NOL4: variants seen among roughly 807,000 people sequenced by gnomAD.
The protein encoded by NOL4 is nucleolar protein 4, also known as cancer/testis antigen 125.
NOL4 carries 17 observed loss-of-function variants against 75.9 expected under a neutral mutation model. That is an observed-to-expected ratio of 0.22 (90% confidence interval 0.15 to 0.34). The LOEUF is 0.34. Among genes scored for constraint, NOL4 ranks in the 10% least tolerant of loss-of-function variants. NOL4 has a pLI of 1.00. For synonymous variants in NOL4, 292 were observed against 289.9 expected (o/e 1.01, Z -0.07); for missense variants, 614 against 793.5 (o/e 0.77, Z 2.72).
chr18:34,164,425 G>A (rs1194771510), intron 1 of NOL4, among the ~76,000 whole-genome samples: 1 of 152,108 alleles, frequency 6.6e-6, no homozygotes, highest in Non-Finnish European at 1.5e-5. Flanking sequence ...ATCAAAAAGT[G>A]GGTGAAGGAC....
intron 2 of NOL4, among the ~76,000 whole-genome samples, chr18:34,108,736 C>A (rs1468108355): frequency 6.6e-6 from 1 of 152,066 alleles, no homozygotes; most frequent in African/African-American, 2.4e-5. Flanking sequence ...AACAGCAACA[C>A]GTTAACAGCA....
chr18:34,108,039 C>T (rs2079395279), intron 2 of NOL4, among the ~76,000 whole-genome samples: 1 of 152,130 alleles, frequency 6.6e-6, no homozygotes, highest in South Asian at 2.1e-4. Context: ...GAAGTGAGCA[C>T]TCAACTTCAG....
chr18:34,023,902 C>T (rs1211225468), intron 5 of NOL4, among the ~76,000 whole-genome samples: 1 of 151,864 alleles, frequency 6.6e-6, no homozygotes, highest in Non-Finnish European at 1.5e-5. Flanking sequence ...CCCATTCCCT[C>T]CATGAATTAG....
At chr18:34,098,739 G>A (rs1040299213) in intron 4 of NOL4, among the ~76,000 whole-genome samples, 4 of 152,106 alleles carry the variant, frequency 2.6e-5, no homozygotes, top group African/African-American at 9.7e-5. Context: ...CTAATTTTAA[G>A]TGGATGTGTT....
chr18:33,987,492 G>C (rs1448099622), intron 6 of NOL4, among the ~76,000 whole-genome samples: 1 of 152,084 alleles, frequency 6.6e-6, no homozygotes, highest in Non-Finnish European at 1.5e-5. Context: ...ATGAGGCAAA[G>C]CCTGTTTTTG....
intron 5 of NOL4, among the ~76,000 whole-genome samples, chr18:34,088,607 C>T (rs2078356455): frequency 6.6e-6 from 1 of 152,044 alleles, no homozygotes; most frequent in South Asian, 2.1e-4. Flanking sequence ...CCCTTATATT[C>T]CACAACACCT....
intron 1 of NOL4, among the ~76,000 whole-genome samples, chr18:34,163,760 CA>C (rs1287246345): frequency 1.3e-5 from 2 of 151,762 alleles, no homozygotes; most frequent in African/African-American, 4.8e-5. Flanking sequence ...CATATGGAAC[CA>C]AAAAAGAGCC....
chr18:34,029,763 A>G (rs1424834238), intron 5 of NOL4, among the ~76,000 whole-genome samples: 1 of 152,206 alleles, frequency 6.6e-6, no homozygotes, highest in Non-Finnish European at 1.5e-5. Context: ...AAATGTTTAG[A>G]CGCTTTGTAG....
At chr18:33,946,426 T>C (rs1318297511) in intron 8 of NOL4, among the ~76,000 whole-genome samples, 2 of 151,726 alleles carry the variant, frequency 1.3e-5, no homozygotes, top group African/African-American at 2.4e-5. Context: ...TTAGATAACC[T>C]ACATTCAAGT....
chr18:33,870,787 A>T (rs114003030), intron 10 of NOL4, among the ~76,000 whole-genome samples: 2,174 of 152,148 alleles, frequency 0.014, 52 homozygotes, highest in African/African-American at 0.049. Flanking sequence ...CAACAAAAAA[A>T]ATCCTAAATT....
rs529338483 is a variant in NOL4, at chr18:34,142,690, G to A, written c.265-12670C>T. ...ACACTGGGGCCTGTTGTGGGGTGGGGGGAGGATGGAGGGATAGCTTTAGGA... is the reference window on the plus strand; with the variant it reads ...ACACTGGGGCCTGTTGTGGGGTGGGAGGAGGATGGAGGGATAGCTTTAGGA... On this transcript the variant is annotated intron_variant, in intron 1 of 10. Coordinates refer to ENST00000261592, the MANE Select transcript of NOL4 (RefSeq NM_003787.5). Among the ~76,000 whole-genome samples the A allele has an allele frequency of 3.4e-3, 518 of 152,240 alleles. 5 individuals are homozygous for A. The highest frequency in any genetic ancestry group is 5.9e-3 in the Non-Finnish European group (401 of 68,036).
chr18:33,853,651 A>C (rs139694836), intron 10 of NOL4, among the ~76,000 whole-genome samples: 1 of 152,136 alleles, frequency 6.6e-6, no homozygotes, highest in East Asian at 1.9e-4. Context: ...ATTAGTATTA[A>C]AAGTGTTGAC....
In NOL4 at chr18:34,096,151, G is replaced by C. The variant is rs536095738; in HGVS notation, c.640-2554C>G. Among the ~76,000 whole-genome samples the C allele has an allele frequency of 6.6e-5, 10 of 151,928 alleles. No individual in the cohort carries two copies. The South Asian group carries it at 2.1e-3, about 32-fold the overall frequency. ...AGCATACATTTTAATAAATTCAGAT[G>C]AGAGATTAAAATGTTTATGTAACCA... On this transcript the variant is annotated intron_variant, in intron 4 of 10. Transcript: ENST00000261592.
At chr18:33,979,494 T>C (rs780530128) in intron 6 of NOL4, among the ~76,000 whole-genome samples, 7 of 152,092 alleles carry the variant, frequency 4.6e-5, no homozygotes, top group Non-Finnish European at 8.8e-5. Flanking sequence ...CAAAATAATG[T>C]ACTACTTGGT....
chr18:33,966,549 A>C (rs1180656659), intron 6 of NOL4, among the ~76,000 whole-genome samples: 2 of 152,180 alleles, frequency 1.3e-5, no homozygotes, highest in African/African-American at 2.4e-5. Flanking sequence ...AAAACCTTAA[A>C]GTCTCCAGCA....
intron 6 of NOL4, among the ~76,000 whole-genome samples, chr18:34,001,402 A>G (rs2073694753): frequency 6.6e-6 from 1 of 152,192 alleles, no homozygotes; most frequent in Admixed American, 6.5e-5. Flanking sequence ...AGCATTAGCT[A>G]AGAACAATAT....
chr18:33,999,604 A>G (rs1356681417), intron 6 of NOL4, among the ~76,000 whole-genome samples: 1 of 152,042 alleles, frequency 6.6e-6, no homozygotes. Context: ...TGAGCTGTAC[A>G]GCGTTATCTC....
chr18:34,133,598 A>G (rs2080760856), intron 1 of NOL4, among the ~76,000 whole-genome samples: 1 of 152,190 alleles, frequency 6.6e-6, no homozygotes, highest in African/African-American at 2.4e-5. Context: ...AATAACATAG[A>G]GAAATGTAAC....
chr18:34,128,095 C>A (rs535865630), intron 2 of NOL4, among the ~76,000 whole-genome samples: 39 of 151,966 alleles, frequency 2.6e-4, no homozygotes, highest in African/African-American at 8.4e-4. Flanking sequence ...TGCATAATGG[C>A]AATGGATCAG....
Sources: gnomAD v4.1 joint callset for allele counts (sites outside exome capture counted in the v4.1 genomes callset) on GRCh38, gnomAD v4.1.1 for gene constraint, MANE v1.5 for transcripts, NCBI Gene and HGNC (gene_info 2026-07-23, HGNC 2026-07-21) for gene names.